NMNAT2: variants seen among roughly 807,000 people sequenced by gnomAD.
NMNAT2 encodes the protein nicotinamide/nicotinic acid mononucleotide adenylyltransferase 2.
A neutral mutation model predicts 41.6 loss-of-function variants in NMNAT2; 11 were observed. The observed-to-expected ratio is 0.26, with a 90% CI of 0.17 to 0.44. The LOEUF (loss-of-function observed/expected upper bound fraction) is 0.44. Among genes scored for constraint, NMNAT2 ranks in the 20% least tolerant of loss-of-function variants. The pLI is 1.00. For synonymous variants in NMNAT2, 148 were observed against 151.2 expected (o/e 0.98, Z 0.16); for missense variants, 288 against 407.7 (o/e 0.71, Z 2.53).
intron 1 of NMNAT2, among the ~76,000 whole-genome samples, chr1:183,343,450 A>G (rs974183382): frequency 1.3e-5 from 2 of 152,132 alleles, no homozygotes; most frequent in Admixed American, 1.3e-4. Context: ...ATTACATTAT[A>G]CTACTTGATT....
chr1:183,403,865 A>T (rs1474049679), intron 1 of NMNAT2, among the ~76,000 whole-genome samples: 2 of 152,352 alleles, frequency 1.3e-5, no homozygotes, highest in East Asian at 3.9e-4. Flanking sequence ...AATTCTTTAC[A>T]TGGGTTAAAG....
At chr1:183,341,425 C>A (rs778147987) in intron 1 of NMNAT2, among the ~76,000 whole-genome samples, 3 of 150,798 alleles carry the variant, frequency 2.0e-5, no homozygotes, top group Non-Finnish European at 4.4e-5. Context: ...CGTCTGTAAT[C>A]CCAGTGCTAT....
intron 8 of NMNAT2, among the ~76,000 whole-genome samples, chr1:183,275,550 A>T (rs1483465098): frequency 6.6e-6 from 1 of 151,502 alleles, no homozygotes; most frequent in Non-Finnish European, 1.5e-5. Context: ...GGCAAACTAG[A>T]TGTGGGGTCC....
intron 1 of NMNAT2, among the ~76,000 whole-genome samples, chr1:183,315,637 C>T (rs976789679): frequency 2.0e-5 from 3 of 151,950 alleles, no homozygotes; most frequent in Admixed American, 6.6e-5. Flanking sequence ...CAAAAATTAG[C>T]CGGGCATGGT....
chr1:183,283,847 T>C (rs1435764796), intron 7 of NMNAT2, 148 bp downstream of exon 7: 3 of 757,312 alleles, frequency 4.0e-6, no homozygotes, highest in South Asian at 2.9e-5. Context: ...AATGCAATCT[T>C]AGCCTGGGAA....
chr1:183,404,008 A>G (rs1272136630), intron 1 of NMNAT2, among the ~76,000 whole-genome samples: 1 of 152,210 alleles, frequency 6.6e-6, no homozygotes, highest in Non-Finnish European at 1.5e-5. Context: ...TTGTTCATCA[A>G]AGATATCTGC....
intron 1 of NMNAT2, among the ~76,000 whole-genome samples, chr1:183,394,958 C>T (rs1465308717): frequency 6.6e-6 from 1 of 152,170 alleles, no homozygotes; most frequent in Non-Finnish European, 1.5e-5. Context: ...AGCCAGCCCA[C>T]AATATCCCCG....
chr1:183,297,056 G>A (rs1448255322), intron 1 of NMNAT2, among the ~76,000 whole-genome samples: 1 of 150,610 alleles, frequency 6.6e-6, no homozygotes, highest in African/African-American at 2.4e-5. Flanking sequence ...CCTCCAAATA[G>A]TGCCTTCTAA....
chr1:183,255,378 T>C (rs1660489372), intron 10 of NMNAT2, among the ~76,000 whole-genome samples: 2 of 152,198 alleles, frequency 1.3e-5, no homozygotes, highest in African/African-American at 4.8e-5. Context: ...TTTCTCATAA[T>C]TGCTTTGGCT....
intron 1 of NMNAT2, among the ~76,000 whole-genome samples, chr1:183,396,046 G>T (rs772165275): frequency 1.3e-5 from 2 of 152,146 alleles, no homozygotes; most frequent in Non-Finnish European, 2.9e-5. Flanking sequence ...TTGGTGGCCT[G>T]CAGAGTCCTC....
At chr1:183,354,151 G>A (rs1231949270) in intron 1 of NMNAT2, among the ~76,000 whole-genome samples, 1 of 152,192 alleles carries the variant, frequency 6.6e-6, no homozygotes, top group Non-Finnish European at 1.5e-5. Flanking sequence ...CGCATGGCCA[G>A]AGCCTTGCCC....
At chr1:183,411,594 G>A (rs952284871) in intron 1 of NMNAT2, among the ~76,000 whole-genome samples, 7 of 152,106 alleles carry the variant, frequency 4.6e-5, no homozygotes, top group East Asian at 1.9e-4. Flanking sequence ...CTGAGCCACC[G>A]CACCTGGCCT....
chr1:183,382,637 A>T (rs1663826819), intron 1 of NMNAT2, among the ~76,000 whole-genome samples: 2 of 152,200 alleles, frequency 1.3e-5, no homozygotes, highest in African/African-American at 4.8e-5. Context: ...AAAAGGAGAA[A>T]TCATCCAAAA....
At chr1:183,372,381 C>T (rs1571624819) in intron 1 of NMNAT2, among the ~76,000 whole-genome samples, 2 of 152,036 alleles carry the variant, frequency 1.3e-5, no homozygotes, top group Admixed American at 6.6e-5. Flanking sequence ...CAGGAAAAGT[C>T]GAAGGAGAGA....
At chr1:183,296,485 T>C (rs1284473338) in intron 1 of NMNAT2, among the ~76,000 whole-genome samples, 2 of 151,872 alleles carry the variant, frequency 1.3e-5, no homozygotes, top group Admixed American at 1.3e-4. Flanking sequence ...ATTTGGATTT[T>C]AATAAGTGTG....
At position 183,418,296 on chromosome 1, in the gene NMNAT2, AG is replaced by A; in HGVS notation, c.-30del. ...GCAGATGGGTCCTTCGCGGTGGTCT[AG>A]GGGTTGCCTCTCTTTTTGTGTCTCG... is the stretch of plus-strand genomic sequence containing the variant. On this transcript the variant is annotated 5_prime_UTR_variant, in exon 1 of 11. Coordinates refer to ENST00000287713, the MANE Select transcript of NMNAT2 (RefSeq NM_015039.4). The A allele has an allele frequency of 6.2e-7, 1 of 1,603,008 alleles. No homozygotes were observed. Among genetic ancestry groups the A allele is most frequent in the East Asian group, 2.2e-5 (1 of 44,762 alleles).
intron 1 of NMNAT2, among the ~76,000 whole-genome samples, chr1:183,351,876 A>C (rs140936157): frequency 6.6e-6 from 1 of 152,322 alleles, no homozygotes; most frequent in African/African-American, 2.4e-5. Context: ...GAGAATGTCA[A>C]TAAATCAGGA....
chr1:183,288,257 T>C (rs955295456), intron 4 of NMNAT2, among the ~76,000 whole-genome samples: 18 of 152,326 alleles, frequency 1.2e-4, no homozygotes, highest in Middle Eastern at 3.4e-3. Context: ...GGCTCCTGCA[T>C]TCTCAGAGGC....
chr1:183,357,097 T>TG (rs1370324418), intron 1 of NMNAT2, among the ~76,000 whole-genome samples: 1 of 151,102 alleles, frequency 6.6e-6, no homozygotes, highest in South Asian at 2.1e-4. Context: ...TATGGTGAGG[T>TG]GGGGGGCAGA....
Sources: allele counts gnomAD v4.1 joint callset (sites outside exome capture counted in the v4.1 genomes callset), GRCh38; gene constraint gnomAD v4.1.1; transcripts MANE v1.5; gene names NCBI Gene and HGNC (gene_info 2026-07-23, HGNC 2026-07-21).